KSR2: variants seen among roughly 807,000 people sequenced by gnomAD.
The protein encoded by KSR2 is kinase suppressor of ras 2.
KSR2 carries 25 observed loss-of-function variants against 107.8 expected under a neutral mutation model. The ratio of observed to expected loss-of-function variants is 0.23; its 90% CI spans 0.17 to 0.32. KSR2 has a LOEUF of 0.32. KSR2 is among the 10% of genes least tolerant of loss of function. The pLI is 1.00. For synonymous variants in KSR2, 480 were observed against 507.0 expected, an observed-to-expected ratio of 0.95 and a Z score of 0.71; for missense variants, 887 against 1,268.9, an observed-to-expected ratio of 0.70 and a Z score of 4.57.
At chr12:117,827,841 C>T (rs909980156) in intron 3 of KSR2, among the ~76,000 whole-genome samples, 6 of 152,290 alleles carry the variant, frequency 3.9e-5, no homozygotes, top group Non-Finnish European at 5.9e-5. Flanking sequence ...GTAACTTGCA[C>T]AAGGTCACAC....
chr12:117,923,995 C>G (rs1895424719), intron 1 of KSR2, among the ~76,000 whole-genome samples: 1 of 151,222 alleles, frequency 6.6e-6, no homozygotes, highest in African/African-American at 2.4e-5. Context: ...TCTCCTGCCT[C>G]AGCCTCCCGA....
chr12:117,506,792 G>GAT (rs1311980734), intron 14 of KSR2, among the ~76,000 whole-genome samples: 3 of 152,032 alleles, frequency 2.0e-5, no homozygotes, highest in East Asian at 1.9e-4. Flanking sequence ...ATTGCCTGGA[G>GAT]ATATATATAT....
intron 5 of KSR2, among the ~76,000 whole-genome samples, chr12:117,652,142 A>G (rs1883929515): frequency 6.6e-6 from 1 of 152,148 alleles, no homozygotes; most frequent in Admixed American, 6.6e-5. Context: ...GATACAGTGG[A>G]CTTTGGGGAC....
At chr12:117,734,655 G>A (rs936358003) in intron 4 of KSR2, among the ~76,000 whole-genome samples, 1 of 152,162 alleles carries the variant, frequency 6.6e-6, no homozygotes, top group Non-Finnish European at 1.5e-5. Flanking sequence ...CTGAAAGGCA[G>A]GGTCATTTGC....
At chr12:117,477,083 C>T (rs2137125349) in intron 16 of KSR2, among the ~76,000 whole-genome samples, 1 of 152,276 alleles carries the variant, frequency 6.6e-6, no homozygotes, top group South Asian at 2.1e-4. Context: ...TCTGAGGCAG[C>T]CCTACGAACA....
At position 117,644,316 on chromosome 12, in the gene KSR2, G is replaced by A. The variant is rs191032910; in HGVS notation, c.1171+23158C>T. Among the ~76,000 whole-genome samples, 320 of 152,268 alleles carry A rather than the reference G, an allele frequency of 2.1e-3. 2 individuals are homozygous for A. The highest frequency in any genetic ancestry group is 7.3e-3 in the African/African-American group (303 of 41,556). ...GTTTTTATTTCTAGGGCTTGGATAC[G>A]GTTTGAGATGAGAAGAAAAAGTTCG... On this transcript the variant is annotated intron_variant, in intron 5 of 19. Transcript: ENST00000339824.
At chr12:117,609,122 G>A (rs944300836) in intron 5 of KSR2, among the ~76,000 whole-genome samples, 2 of 152,126 alleles carry the variant, frequency 1.3e-5, no homozygotes, top group East Asian at 1.9e-4. Context: ...TTGGAACCAG[G>A]TGGCCTATAG....
chr12:117,569,534 G>T (rs1878741337), intron 7 of KSR2, among the ~76,000 whole-genome samples: 1 of 152,144 alleles, frequency 6.6e-6, no homozygotes, highest in South Asian at 2.1e-4. Context: ...CCTTACTAGG[G>T]GAACGAACAT....
At chr12:117,781,577 C>A (rs904329264) in intron 3 of KSR2, among the ~76,000 whole-genome samples, 2 of 152,290 alleles carry the variant, frequency 1.3e-5, no homozygotes, top group Non-Finnish European at 2.9e-5. Context: ...CCTCACGAAC[C>A]AAACCCACTG....
At chr12:117,799,863 A>C (rs1161469332) in intron 3 of KSR2, among the ~76,000 whole-genome samples, 2 of 152,206 alleles carry the variant, frequency 1.3e-5, no homozygotes, top group Non-Finnish European at 2.9e-5. Flanking sequence ...AGGCACCAAA[A>C]TTCTTTTCCA....
intron 1 of KSR2, among the ~76,000 whole-genome samples, chr12:117,965,945 C>A (rs533559432): frequency 5.9e-5 from 9 of 152,198 alleles, no homozygotes; most frequent in African/African-American, 2.2e-4. Flanking sequence ...CCTAACCCTG[C>A]AAATCTGGGA....
chr12:117,690,763 A>AAACAAC (rs748645028), intron 4 of KSR2, among the ~76,000 whole-genome samples: 1 of 152,164 alleles, frequency 6.6e-6, no homozygotes, highest in Non-Finnish European at 1.5e-5. Flanking sequence ...GTGACCTTAA[A>AAACAAC]AACAACAACA....
At chr12:117,639,310 T>C (rs1344626526) in intron 5 of KSR2, among the ~76,000 whole-genome samples, 1 of 145,716 alleles carries the variant, frequency 6.9e-6, no homozygotes, top group Non-Finnish European at 1.5e-5. Flanking sequence ...CACACTAGTT[T>C]ATTATTATTA....
At chr12:117,740,188 T>C (rs750981132) in intron 4 of KSR2, among the ~76,000 whole-genome samples, 11 of 151,300 alleles carry the variant, frequency 7.3e-5, no homozygotes, top group Non-Finnish European at 1.5e-4. Context: ...TGTTTGGTTT[T>C]CCATTCCTGA....
intron 1 of KSR2, among the ~76,000 whole-genome samples, chr12:117,926,390 G>C (rs760292150): frequency 6.6e-6 from 1 of 152,238 alleles, no homozygotes; most frequent in Non-Finnish European, 1.5e-5. Flanking sequence ...AGCACCCCAA[G>C]GATGATGGAT....
chr12:117,906,085 T>C (rs976139455), intron 1 of KSR2, among the ~76,000 whole-genome samples: 1 of 152,118 alleles, frequency 6.6e-6, no homozygotes, highest in Non-Finnish European at 1.5e-5. Context: ...GTACAGTGGC[T>C]CACACCTGTA....
intron 4 of KSR2, among the ~76,000 whole-genome samples, chr12:117,758,570 A>G (rs1888879219): frequency 6.6e-6 from 1 of 152,160 alleles, no homozygotes; most frequent in Non-Finnish European, 1.5e-5. Context: ...GCCAGAAGAA[A>G]CCTGAAGGGC....
chr12:117,823,343 A>T (rs1175903964), intron 3 of KSR2, among the ~76,000 whole-genome samples: 1 of 152,212 alleles, frequency 6.6e-6, no homozygotes, highest in Non-Finnish European at 1.5e-5. Context: ...AGGCTGCTAC[A>T]GTCATCCAGG....
At chr12:117,701,602 G>A (rs7137798) in intron 4 of KSR2, among the ~76,000 whole-genome samples, 12,802 of 152,192 alleles carry the variant, frequency 0.084, 1,634 homozygotes, top group African/African-American at 0.28. Context: ...CCTTATAGAC[G>A]TAATTAAGTT....
Sources: allele counts gnomAD v4.1 joint callset (sites outside exome capture counted in the v4.1 genomes callset), GRCh38; gene constraint gnomAD v4.1.1; transcripts MANE v1.5; gene names NCBI Gene and HGNC (gene_info 2026-07-23, HGNC 2026-07-21).